Variants in ANK3 observed in about 807,000 individuals in gnomAD.
The protein encoded by ANK3 is ankyrin-3.
ANK3 carries 57 observed loss-of-function variants against 370.9 expected under a neutral mutation model. The observed-to-expected ratio is 0.15, with a 90% CI of 0.12 to 0.19. The LOEUF (loss-of-function observed/expected upper bound fraction) is 0.19, where lower values mean the gene tolerates loss of function less well. ANK3 is among the 10% of genes least tolerant of loss of function. ANK3 has a pLI of 1.00. For missense variants in ANK3, 4,439 were observed against 5,302.1 expected, an observed-to-expected ratio of 0.84 and a Z score of 5.06; for synonymous variants, 1,929 against 1,946.3, an observed-to-expected ratio of 0.99 and a Z score of 0.23.
chr10:60,163,804 T>G (rs544119648), intron 23 of ANK3, among the ~76,000 whole-genome samples: 2 of 152,338 alleles, frequency 1.3e-5, no homozygotes, highest in South Asian at 4.1e-4. Flanking sequence ...ATTTTCATTT[T>G]CTTTCTTGAG....
At position 60,205,878 on chromosome 10, in the gene ANK3, G is replaced by C; in HGVS notation, c.1207C>G (p.Pro403Ala). Reference protein sequence around the residue: ...PNAKALNGFTPLHIACKKNRI... With the variant: ...PNAKALNGFTALHIACKKNRI... ...TTCTTCTTGCAGGCAATATGAAGAGGGGTAAAGCCATTCTGCAAGGGACAA... is the reference window on the plus strand; with the variant it reads ...TTCTTCTTGCAGGCAATATGAAGAGCGGTAAAGCCATTCTGCAAGGGACAA... The change falls in exon 11 of 44, where the codon CCT becomes GCT. Residue 403 changes from proline to alanine, a missense_variant. Around this residue, in one of 13 missense-constraint regions of ANK3, gnomAD observed 227 missense variants for 377.6 expected, o/e 0.60. Transcript: ENST00000280772. 6.2e-7 allele frequency: 1 copy of C among 1,611,722 alleles called. No individual in the cohort carries two copies.
At chr10:60,310,062 A>G (rs2046027776) in intron 1 of ANK3, among the ~76,000 whole-genome samples, 1 of 151,774 alleles carries the variant, frequency 6.6e-6, no homozygotes, top group African/African-American at 2.4e-5. Context: ...AATGGCTAGG[A>G]GTACAGTTAT....
At chr10:60,454,277 T>A (rs1054905967) in intron 2 of ANK3, among the ~76,000 whole-genome samples, 1 of 152,176 alleles carries the variant, frequency 6.6e-6, no homozygotes. Context: ...CTGTTCTGTA[T>A]ACACTGGAAA....
At chr10:60,400,064 C>A (rs2063324773) in intron 2 of ANK3, among the ~76,000 whole-genome samples, 1 of 149,264 alleles carries the variant, frequency 6.7e-6, no homozygotes, top group South Asian at 2.1e-4. Context: ...GCAGCCATGG[C>A]ACTAAAATCT....
chr10:60,290,423 T>C (rs1208577302), intron 1 of ANK3, among the ~76,000 whole-genome samples: 2 of 151,944 alleles, frequency 1.3e-5, no homozygotes, highest in Admixed American at 1.3e-4. Flanking sequence ...TTAACTGTTA[T>C]CCAGTTATTA....
chr10:60,176,513 G>A (rs1048328553), intron 18 of ANK3, among the ~76,000 whole-genome samples: 2 of 152,054 alleles, frequency 1.3e-5, no homozygotes, highest in Non-Finnish European at 2.9e-5. Flanking sequence ...TGTAATCCCA[G>A]CACTTTTGGA....
chr10:60,180,594 C>CAAAAAAAAAAAAAAAAA (rs58386273), intron 18 of ANK3, among the ~76,000 whole-genome samples: 9 of 63,410 alleles, frequency 1.4e-4, no homozygotes, highest in Admixed American at 2.2e-4. Flanking sequence ...GACTCCGTCT[C>CAAAAAAAAAAAAAAAAA]AAAAAAAAAA....
chr10:60,539,075 T>G (rs1329690770), intron 2 of ANK3, among the ~76,000 whole-genome samples: 1 of 151,854 alleles, frequency 6.6e-6, no homozygotes, highest in Non-Finnish European at 1.5e-5. Context: ...GCATTTGTTC[T>G]CTGATAATAC....
chr10:60,046,790 T>C (rs1034531269), intron 42 of ANK3, among the ~76,000 whole-genome samples: 4 of 149,238 alleles, frequency 2.7e-5, no homozygotes, highest in Non-Finnish European at 4.4e-5. Context: ...CTCTCTTCAA[T>C]GGGAGAAAGT....
At chr10:60,499,375 T>C (rs945578099) in intron 2 of ANK3, among the ~76,000 whole-genome samples, 3 of 152,182 alleles carry the variant, frequency 2.0e-5, no homozygotes, top group African/African-American at 7.2e-5. Flanking sequence ...TGACTTATAG[T>C]GCTCATTATT....
chr10:60,086,919 C>CT (rs748424381), intron 29 of ANK3, 35 bp from the exon 30 acceptor site: 197,707 of 960,846 alleles, frequency 0.21, 355 homozygotes, highest in Non-Finnish European at 0.22. Flanking sequence ...ATGAAAGTGA[C>CT]TTTTTTTTTT....
chr10:60,494,460 T>A (rs1003633247), intron 2 of ANK3, among the ~76,000 whole-genome samples: 4 of 152,190 alleles, frequency 2.6e-5, no homozygotes, highest in Admixed American at 1.3e-4. Flanking sequence ...ATTTAGGCAT[T>A]CTTGTGCTAT....
intron 1 of ANK3, among the ~76,000 whole-genome samples, chr10:60,347,954 G>A (rs946935212): frequency 1.3e-5 from 2 of 152,086 alleles, no homozygotes; most frequent in African/African-American, 4.8e-5. Flanking sequence ...CATCAGATGG[G>A]CTCTGAGTCT....
intron 2 of ANK3, among the ~76,000 whole-genome samples, chr10:60,451,777 C>T (rs992379027): frequency 3.3e-5 from 5 of 152,142 alleles, no homozygotes; most frequent in East Asian, 1.9e-4. Flanking sequence ...CCACGGCTCA[C>T]GCTCTGTGGG....
chr10:60,259,300 T>C (rs1412964829), intron 7 of ANK3, among the ~76,000 whole-genome samples: 1 of 152,160 alleles, frequency 6.6e-6, no homozygotes, highest in Non-Finnish European at 1.5e-5. Flanking sequence ...GAGAGAAGCA[T>C]AGCTCATTTG....
intron 1 of ANK3, among the ~76,000 whole-genome samples, chr10:60,386,368 C>T (rs2062319833): frequency 6.6e-6 from 1 of 150,978 alleles, no homozygotes; most frequent in Non-Finnish European, 1.5e-5. Context: ...TTTTTTTTTT[C>T]AAGCCAGACA....
chr10:60,336,093 G>GGGT (rs1236240360), intron 1 of ANK3, among the ~76,000 whole-genome samples: 3 of 149,790 alleles, frequency 2.0e-5, no homozygotes, highest in African/African-American at 5.1e-5. Flanking sequence ...AGTTTGGCGG[G>GGGT]GGGGGGAAGC....
Position 60,070,033 on chromosome 10 carries a change from T to G in ANK3, c.10848A>C (p.Ala3616=), listed in dbSNP as rs1344791109. ...GKMFEMTRSG[A]IDMSKRDFVE... ...CAAAATCCCTCTTGCTCATGTCAATTGCACCACTGCGAGTCATCTCAAACA... is the reference window on the plus strand; with the variant it reads ...CAAAATCCCTCTTGCTCATGTCAATGGCACCACTGCGAGTCATCTCAAACA... Residue 3616 remains alanine (A), a synonymous_variant, in exon 37 of 44, where the codon GCA becomes GCC. Transcript: ENST00000280772. This position sits in a 1 kb window ranked among gnomAD's most constrained non-coding sequence, Gnocchi z 5.7. The G allele has an allele frequency of 1.9e-6, 3 of 1,614,054 alleles. No homozygotes were observed. Among genetic ancestry groups the G allele is most frequent in the Non-Finnish European group, 1.7e-6 (2 of 1,180,034 alleles).
chr10:60,309,186 T>C (rs984254682), intron 1 of ANK3, among the ~76,000 whole-genome samples: 63 of 152,182 alleles, frequency 4.1e-4, no homozygotes, highest in African/African-American at 1.4e-3. Flanking sequence ...CCCTTAATGA[T>C]GAAAGCATGC....
Sources: gnomAD v4.1 joint callset for allele counts (sites outside exome capture counted in the v4.1 genomes callset) on GRCh38, gnomAD v4.1.1 for gene constraint, gnomAD v4.1.1 regional missense constraint, Gnocchi (gnomAD v3.1) non-coding constraint, MANE v1.5 for transcripts, NCBI Gene and HGNC (gene_info 2026-07-23, HGNC 2026-07-21) for gene names.